Variants in UNC5D observed in about 807,000 individuals in gnomAD.
UNC5D encodes the protein unc-5 netrin receptor D.
UNC5D carries 39 observed loss-of-function variants against 105.4 expected under a neutral mutation model. The observed-to-expected ratio is 0.37, with a 90% CI of 0.29 to 0.48. The LOEUF (loss-of-function observed/expected upper bound fraction) is 0.48, where lower values mean the gene tolerates loss of function less well. Among genes scored for constraint, UNC5D ranks in the 20% least tolerant of loss-of-function variants. The pLI is 0.98. For missense variants in UNC5D, 991 were observed against 1,202.4 expected, an observed-to-expected ratio of 0.82 and a Z score of 2.60; for synonymous variants, 452 against 450.4, an observed-to-expected ratio of 1.00 and a Z score of -0.04.
intron 4 of UNC5D, among the ~76,000 whole-genome samples, chr8:35,640,344 T>A (rs930419962): frequency 6.6e-6 from 1 of 152,308 alleles, no homozygotes; most frequent in South Asian, 2.1e-4. Flanking sequence ...CACTCAGGAT[T>A]GTGGCATGAA....
chr8:35,317,621 A>C (rs1809403814), intron 1 of UNC5D, among the ~76,000 whole-genome samples: 1 of 152,108 alleles, frequency 6.6e-6, no homozygotes, highest in Non-Finnish European at 1.5e-5. Flanking sequence ...AAACATTCCT[A>C]TCGATCTGCG....
intron 1 of UNC5D, among the ~76,000 whole-genome samples, chr8:35,539,514 GA>G (rs2130619346): frequency 6.6e-6 from 1 of 152,244 alleles, no homozygotes; most frequent in East Asian, 1.9e-4. Flanking sequence ...TGGGCGTGAT[GA>G]AAAAATGCTG....
chr8:35,311,629 G>A (rs1808891979), intron 1 of UNC5D, among the ~76,000 whole-genome samples: 1 of 152,092 alleles, frequency 6.6e-6, no homozygotes, highest in Non-Finnish European at 1.5e-5. Flanking sequence ...TACATATGCT[G>A]GGCATGGTGC....
At chr8:35,453,155 A>C (rs1808279086) in intron 1 of UNC5D, among the ~76,000 whole-genome samples, 1 of 152,186 alleles carries the variant, frequency 6.6e-6, no homozygotes, top group Non-Finnish European at 1.5e-5. Flanking sequence ...AATGAATGGC[A>C]TAAGGATTAA....
At chr8:35,610,562 G>A (rs2130976967) in intron 4 of UNC5D, among the ~76,000 whole-genome samples, 1 of 152,214 alleles carries the variant, frequency 6.6e-6, no homozygotes, top group Non-Finnish European at 1.5e-5. Context: ...TCCTTCGAAG[G>A]GCAAGGAGCA....
rs776038058 is a variant in UNC5D, at chr8:35,750,676, C to A, written c.2030C>A (p.Ala677Glu). The A allele has an allele frequency of 6.2e-7, 1 of 1,614,120 alleles. No homozygotes were observed. The highest frequency in any genetic ancestry group is 2.2e-5 in the East Asian group (1 of 44,854). The change falls in exon 13 of 17, where the codon GCG (alanine) becomes GAG (glutamate). Residue 677 changes from alanine (A) to glutamate (E), a missense_variant. By Grantham distance (107) the Ala-to-Glu change is moderately radical. This residue lies in a region of UNC5D where 944 missense variants were observed against 1,131.6 expected (regional missense o/e 0.83). Transcript: ENST00000404895. ...HVLLDSFGTYALTGEPITDCA... is the reference protein window; with the variant it reads ...HVLLDSFGTYELTGEPITDCA... ...CTCCTGGACAGCTTTGGGACCTATGCGCTCACTGGAGAGCCAATCACAGAC... is the reference window on the plus strand; with the variant it reads ...CTCCTGGACAGCTTTGGGACCTATGAGCTCACTGGAGAGCCAATCACAGAC...
At chr8:35,247,384 T>G (rs1803181310) in intron 1 of UNC5D, among the ~76,000 whole-genome samples, 2 of 148,350 alleles carry the variant, frequency 1.3e-5, no homozygotes, top group South Asian at 4.2e-4. Context: ...ATAGATTCGT[T>G]TTGTGTTTGG....
chr8:35,277,394 T>G (rs887170481), intron 1 of UNC5D, among the ~76,000 whole-genome samples: 3 of 152,022 alleles, frequency 2.0e-5, no homozygotes, highest in Non-Finnish European at 4.4e-5. Flanking sequence ...TTGTGGAGAG[T>G]TTTTGATTAC....
chr8:35,489,009 A>ATTT (rs1319148906), intron 1 of UNC5D, among the ~76,000 whole-genome samples: 1 of 143,236 alleles, frequency 7.0e-6, no homozygotes, highest in African/African-American at 2.6e-5. Flanking sequence ...TCTCCCCCCA[A>ATTT]TTTTTTTTTT....
intron 4 of UNC5D, among the ~76,000 whole-genome samples, chr8:35,658,135 T>C (rs956755): frequency 0.19 from 28,497 of 152,162 alleles, 6,127 homozygotes; most frequent in African/African-American, 0.53. Context: ...GGTTGAAACT[T>C]TTATTATATG....
chr8:35,275,127 T>TA (rs879568828), intron 1 of UNC5D, among the ~76,000 whole-genome samples: 2,789 of 147,446 alleles, frequency 0.019, 43 homozygotes, highest in Non-Finnish European at 0.023. Flanking sequence ...AATATATATT[T>TA]TTATATATAT....
chr8:35,734,637 C>T (rs548928510), intron 11 of UNC5D, among the ~76,000 whole-genome samples: 2 of 151,910 alleles, frequency 1.3e-5, no homozygotes, highest in South Asian at 2.1e-4. Context: ...CTTGAACTCC[C>T]GACCTCAGGT....
intron 14 of UNC5D, among the ~76,000 whole-genome samples, chr8:35,764,651 A>T (rs1413958525): frequency 6.6e-6 from 1 of 152,186 alleles, no homozygotes; most frequent in Non-Finnish European, 1.5e-5. Context: ...AAGAAAAGAG[A>T]TCATAAGTAA....
chr8:35,446,769 C>A (rs1344157006), intron 1 of UNC5D, among the ~76,000 whole-genome samples: 1 of 152,044 alleles, frequency 6.6e-6, no homozygotes, highest in Non-Finnish European at 1.5e-5. Flanking sequence ...GTTTGTTGCC[C>A]ATACCCACAC....
At chr8:35,714,403 GAGA>G (rs978469119) in intron 8 of UNC5D, among the ~76,000 whole-genome samples, 2 of 152,208 alleles carry the variant, frequency 1.3e-5, no homozygotes, top group Non-Finnish European at 2.9e-5. Context: ...GATCTTCAGA[GAGA>G]AGATGAGGCA....
At chr8:35,525,287 C>T in intron 1 of UNC5D, 1 of 1,612,190 alleles carries the variant, frequency 6.2e-7, no homozygotes, top group Non-Finnish European at 8.5e-7. Context: ...GTACATGGCT[C>T]AGTGCACTCC....
intron 4 of UNC5D, among the ~76,000 whole-genome samples, chr8:35,641,174 GA>G (rs929064591): frequency 6.6e-6 from 1 of 151,834 alleles, no homozygotes; most frequent in Non-Finnish European, 1.5e-5. Flanking sequence ...GTGTATATAT[GA>G]ATATGACTAA....
At chr8:35,711,614 C>T (rs1369196783) in intron 8 of UNC5D, among the ~76,000 whole-genome samples, 1 of 152,072 alleles carries the variant, frequency 6.6e-6, no homozygotes, top group Non-Finnish European at 1.5e-5. Context: ...CTTATGTGTT[C>T]TGTTACTTCT....
At chr8:35,743,982 G>T (rs532368610) in intron 11 of UNC5D, among the ~76,000 whole-genome samples, 14 of 152,312 alleles carry the variant, frequency 9.2e-5, no homozygotes, top group African/African-American at 3.4e-4. Flanking sequence ...TAATGTCCTT[G>T]AGAGTAAATT....
Sources: gnomAD v4.1 joint callset for allele counts (sites outside exome capture counted in the v4.1 genomes callset) on GRCh38, gnomAD v4.1.1 for gene constraint, gnomAD v4.1.1 regional missense constraint, MANE v1.5 for transcripts, NCBI Gene and HGNC (gene_info 2026-07-23, HGNC 2026-07-21) for gene names.